Variants in OPCML observed in about 807,000 individuals in gnomAD.
OPCML encodes opioid binding protein/cell adhesion molecule like, also known as opioid-binding protein/cell adhesion molecule.
OPCML carries 13 observed loss-of-function variants against 37.8 expected under a neutral mutation model. That is an observed-to-expected ratio of 0.34 (90% CI 0.22 to 0.55). OPCML has a LOEUF of 0.55. Among genes scored for constraint, OPCML ranks in the 20% least tolerant of loss-of-function variants. The probability of loss-of-function intolerance (pLI) is 0.91; values close to 1 mark genes in which losing one functional copy is unlikely to be tolerated. For synonymous variants in OPCML, 176 were observed against 168.8 expected (o/e 1.04, Z -0.33); for missense variants, 341 against 435.6 (o/e 0.78, Z 1.93).
intron 4 of OPCML, among the ~76,000 whole-genome samples, chr11:132,472,471 G>T (rs2096141028): frequency 6.6e-6 from 1 of 152,192 alleles, no homozygotes; most frequent in Admixed American, 6.5e-5. Context: ...AAGTCTTCTT[G>T]CATATCTTTG....
At chr11:133,341,889 G>C (rs1056881721) in intron 1 of OPCML, among the ~76,000 whole-genome samples, 1 of 151,950 alleles carries the variant, frequency 6.6e-6, no homozygotes, top group Non-Finnish European at 1.5e-5. Flanking sequence ...TTGCACTCCA[G>C]CCTGGGCGAA....
chr11:132,992,191 T>A (rs1339003225), intron 1 of OPCML, among the ~76,000 whole-genome samples: 6 of 152,100 alleles, frequency 3.9e-5, no homozygotes, highest in Admixed American at 2.0e-4. Context: ...AAGGCTTGGC[T>A]TCAAGTCTCT....
At chr11:133,521,549 G>A (rs1948397976) in intron 1 of OPCML, among the ~76,000 whole-genome samples, 1 of 152,134 alleles carries the variant, frequency 6.6e-6, no homozygotes, top group Admixed American at 6.5e-5. Flanking sequence ...AAGGAGGGTG[G>A]GGCCCACCAG....
At chr11:133,444,325 CAG>C in intron 1 of OPCML, among the ~76,000 whole-genome samples, 1 of 152,146 alleles carries the variant, frequency 6.6e-6, no homozygotes, top group East Asian at 1.9e-4. Context: ...TTAAAGCTAT[CAG>C]AGTATAATTT....
intron 1 of OPCML, among the ~76,000 whole-genome samples, chr11:133,293,321 G>A (rs1942533818): frequency 6.6e-6 from 1 of 151,922 alleles, no homozygotes; most frequent in Non-Finnish European, 1.5e-5. Flanking sequence ...GCATAGAGAG[G>A]AAAAAATAGT....
intron 1 of OPCML, among the ~76,000 whole-genome samples, chr11:133,390,037 A>G (rs941378179): frequency 6.6e-6 from 1 of 152,182 alleles, no homozygotes; most frequent in Non-Finnish European, 1.5e-5. Context: ...AAATACCTCA[A>G]TCACTATGTG....
intron 1 of OPCML, among the ~76,000 whole-genome samples, chr11:133,207,262 T>A (rs920143260): frequency 6.6e-6 from 1 of 152,044 alleles, no homozygotes; most frequent in South Asian, 2.1e-4. Flanking sequence ...ATCAAGCCAC[T>A]GCCCTCCAGC....
chr11:132,528,573 C>T (rs2137289409), intron 4 of OPCML, among the ~76,000 whole-genome samples: 2 of 152,310 alleles, frequency 1.3e-5, no homozygotes, highest in South Asian at 4.1e-4. Context: ...CCATTTCCAT[C>T]ATCCTTCTTC....
chr11:133,194,080 G>C (rs188156690), intron 1 of OPCML, among the ~76,000 whole-genome samples: 2 of 152,154 alleles, frequency 1.3e-5, no homozygotes, highest in African/African-American at 4.8e-5. Context: ...ATGTTGCCTA[G>C]TTGAGGTTAG....
chr11:132,598,639 G>T (rs1937619955), intron 3 of OPCML, among the ~76,000 whole-genome samples: 1 of 152,026 alleles, frequency 6.6e-6, no homozygotes, highest in Non-Finnish European at 1.5e-5. Context: ...AAATAGATTT[G>T]CACTATAATT....
At chr11:133,479,980 C>G (rs1229052444) in intron 1 of OPCML, among the ~76,000 whole-genome samples, 1 of 152,182 alleles carries the variant, frequency 6.6e-6, no homozygotes, top group Non-Finnish European at 1.5e-5. Context: ...CTTGTCACCT[C>G]AAAATCAAGA....
chr11:133,285,454 T>C (rs1337865948), intron 1 of OPCML, among the ~76,000 whole-genome samples: 3 of 152,292 alleles, frequency 2.0e-5, no homozygotes, highest in East Asian at 1.9e-4. Flanking sequence ...GGAATCTTTG[T>C]TGTGCCGGTC....
intron 3 of OPCML, among the ~76,000 whole-genome samples, chr11:132,581,781 T>A (rs768640169): frequency 1.3e-5 from 2 of 152,102 alleles, no homozygotes; most frequent in African/African-American, 4.8e-5. Flanking sequence ...GGGCTGCTTC[T>A]GCTTGACTGC....
rs2095938097 is a variant in OPCML, at chr11:132,416,211, C to A, written c.*3982G>T. On this transcript the variant is annotated 3_prime_UTR_variant, in exon 8 of 8. Transcript: ENST00000524381. ...CTTTTGTGTGTGTGTTGGTCTGTTTCATTTTGGACTGGTTTTAGGTAATGC... is the reference window on the plus strand; with the variant it reads ...CTTTTGTGTGTGTGTTGGTCTGTTTAATTTTGGACTGGTTTTAGGTAATGC... 6.6e-6 allele frequency: 1 copy of A among 152,178 alleles called. No homozygotes were observed. The highest frequency in any genetic ancestry group is 2.4e-5 in the African/African-American group (1 of 41,446). 9.4% of individuals were successfully genotyped at this position (152,178 alleles called of 1,614,324 possible).
intron 1 of OPCML, among the ~76,000 whole-genome samples, chr11:133,353,892 T>C: frequency 6.6e-6 from 1 of 152,186 alleles, no homozygotes; most frequent in East Asian, 1.9e-4. Flanking sequence ...GCACAGTGAC[T>C]TAGATGACAT....
intron 1 of OPCML, among the ~76,000 whole-genome samples, chr11:132,965,750 C>G (rs1946200233): frequency 6.6e-6 from 1 of 152,132 alleles, no homozygotes; most frequent in South Asian, 2.1e-4. Context: ...CCAGGATGGT[C>G]TCCACCTCTG....
chr11:132,782,480 A>G (rs1947065370), intron 2 of OPCML, among the ~76,000 whole-genome samples: 1 of 152,262 alleles, frequency 6.6e-6, no homozygotes, highest in African/African-American at 2.4e-5. Context: ...CCTTGGCCAA[A>G]AAAATGCTAA....
Position 133,477,940 on chromosome 11 carries a change from T to C in OPCML, c.61+54324A>G, listed in dbSNP as rs572450752. Among the ~76,000 whole-genome samples, 28 of 152,302 alleles carry C rather than the reference T, an allele frequency of 1.8e-4. No homozygotes were observed. The South Asian group carries it at 5.8e-3, about 32-fold the overall frequency. On this transcript the variant is annotated intron_variant, in intron 1 of 7. Coordinates refer to ENST00000524381, the MANE Select transcript of OPCML (RefSeq NM_001012393.5). ...TTAGATATATTTTGAGGAAAGGGTG[T>C]ATGTATATTAGATTTTAATTAAGTA...
chr11:133,203,627 T>C (rs1454540940), intron 1 of OPCML, among the ~76,000 whole-genome samples: 6 of 152,270 alleles, frequency 3.9e-5, no homozygotes, highest in Non-Finnish European at 5.9e-5. Context: ...CAATATCTGG[T>C]CAATCCTGTC....
Sources: gnomAD v4.1 joint callset for allele counts (sites outside exome capture counted in the v4.1 genomes callset) on GRCh38, gnomAD v4.1.1 for gene constraint, MANE v1.5 for transcripts, NCBI Gene and HGNC (gene_info 2026-07-23, HGNC 2026-07-21) for gene names.